Variants in RAB38 observed in about 807,000 individuals in gnomAD.
RAB38 encodes RAB38, member RAS oncogene family.
RAB38 carries 15 observed loss-of-function variants against 18.4 expected under a neutral mutation model. The ratio of observed to expected loss-of-function variants is 0.82; its 90% CI spans 0.55 to 1.26. RAB38 has a LOEUF of 1.26. RAB38 is among the 50% of genes most tolerant of loss of function. RAB38 has a pLI of 0.00. For synonymous variants in RAB38, 101 were observed against 104.4 expected, an observed-to-expected ratio of 0.97 and a Z score of 0.20; for missense variants, 294 against 267.4, an observed-to-expected ratio of 1.10 and a Z score of -0.69.
intron 2 of RAB38, among the ~76,000 whole-genome samples, chr11:88,127,041 G>A (rs1265676960): frequency 2.0e-5 from 3 of 152,146 alleles, no homozygotes; most frequent in African/African-American, 7.2e-5. Context: ...GGGTTCTGAA[G>A]TTTCATAGGA....
the RAB38 span, among the ~76,000 whole-genome samples, chr11:87,900,696 G>GAAGA: frequency 7.1e-6 from 1 of 140,936 alleles, no homozygotes; most frequent in East Asian, 2.2e-4. Context: ...AGGAAGGAAG[G>GAAGA]AAGGAAGGAA....
chr11:88,132,117 A>G (rs1318492041), intron 2 of RAB38, among the ~76,000 whole-genome samples: 1 of 152,244 alleles, frequency 6.6e-6, no homozygotes, highest in Non-Finnish European at 1.5e-5. Flanking sequence ...ATCTGAGTAA[A>G]GGACCCAACC....
chr11:88,036,169 G>T, the RAB38 span, among the ~76,000 whole-genome samples: 1 of 152,020 alleles, frequency 6.6e-6, no homozygotes, highest in Non-Finnish European at 1.5e-5. Flanking sequence ...GGATCATTTT[G>T]ATATGTACCC....
At chr11:88,066,775 C>T in the RAB38 span, among the ~76,000 whole-genome samples, 2 of 152,196 alleles carry the variant, frequency 1.3e-5, no homozygotes, top group African/African-American at 4.8e-5. Context: ...GGTTTTTCCT[C>T]TCAATTTCTC....
the RAB38 span, among the ~76,000 whole-genome samples, chr11:87,957,460 T>G: frequency 0.026 from 3,948 of 151,864 alleles, 179 homozygotes; most frequent in African/African-American, 0.09. Context: ...CAGGGAAAAC[T>G]GTGTGCTTTT....
the RAB38 span, among the ~76,000 whole-genome samples, chr11:87,928,421 TATAAC>T: frequency 6.6e-6 from 1 of 152,176 alleles, no homozygotes; most frequent in East Asian, 1.9e-4. Context: ...ATATACCTCT[TATAAC>T]AAGATGATAT....
At chr11:87,882,432 C>T in the RAB38 span, among the ~76,000 whole-genome samples, 3 of 151,826 alleles carry the variant, frequency 2.0e-5, no homozygotes, top group Non-Finnish European at 4.4e-5. Context: ...ATATAGAGAA[C>T]CTATATTTTC....
the RAB38 span, among the ~76,000 whole-genome samples, chr11:87,951,935 AT>A: frequency 6.6e-6 from 1 of 152,092 alleles, no homozygotes; most frequent in Non-Finnish European, 1.5e-5. Context: ...TCAGTTGGAA[AT>A]GCAGAAATCA....
At chr11:88,161,342 A>T (rs918896492) in intron 1 of RAB38, among the ~76,000 whole-genome samples, 3 of 151,982 alleles carry the variant, frequency 2.0e-5, no homozygotes, top group Non-Finnish European at 4.4e-5. Context: ...AATCCTATAC[A>T]TCCTTCAAAT....
At chr11:88,011,138 G>A in the RAB38 span, among the ~76,000 whole-genome samples, 1 of 152,130 alleles carries the variant, frequency 6.6e-6, no homozygotes, top group South Asian at 2.1e-4. Flanking sequence ...CTGTTTCTCC[G>A]CATATATTTT....
At chr11:87,832,494 GATT>G in the RAB38 span, among the ~76,000 whole-genome samples, 1 of 152,180 alleles carries the variant, frequency 6.6e-6, no homozygotes, top group African/African-American at 2.4e-5. Context: ...AGCTCATTGA[GATT>G]ATTGGCAGAA....
chr11:88,140,880 T>C (rs1192182932), intron 2 of RAB38, among the ~76,000 whole-genome samples: 1 of 152,174 alleles, frequency 6.6e-6, no homozygotes, highest in Non-Finnish European at 1.5e-5. Flanking sequence ...GGTCTCCAAA[T>C]TGGATAATTA....
chr11:88,128,566 T>C (rs929136733), intron 2 of RAB38, among the ~76,000 whole-genome samples: 1 of 152,160 alleles, frequency 6.6e-6, no homozygotes, highest in Non-Finnish European at 1.5e-5. Context: ...CTTTAGAAAA[T>C]AAAATTAATC....
the RAB38 span, among the ~76,000 whole-genome samples, chr11:87,976,394 C>T: frequency 7.4e-6 from 1 of 134,616 alleles, no homozygotes; most frequent in Non-Finnish European, 1.5e-5. Context: ...TTTATATATA[C>T]ACATATTTAT....
the RAB38 span, among the ~76,000 whole-genome samples, chr11:87,823,299 G>A: frequency 1.2e-4 from 18 of 151,816 alleles, no homozygotes; most frequent in East Asian, 1.9e-4. Flanking sequence ...TACCAGGTTC[G>A]TAGATTAAAA....
chr11:87,806,288 G>A, the RAB38 span, among the ~76,000 whole-genome samples: 1 of 152,124 alleles, frequency 6.6e-6, no homozygotes, highest in South Asian at 2.1e-4. Flanking sequence ...CAGTTCTAGA[G>A]GCTAAGCAAT....
the RAB38 span, among the ~76,000 whole-genome samples, chr11:87,958,008 A>G: frequency 6.6e-6 from 1 of 152,126 alleles, no homozygotes; most frequent in East Asian, 1.9e-4. Context: ...GATTCGACTT[A>G]CGATTTTTGA....
chr11:87,949,904 G>A, the RAB38 span, among the ~76,000 whole-genome samples: 8 of 152,160 alleles, frequency 5.3e-5, no homozygotes, highest in Admixed American at 5.2e-4. Context: ...TGTCTATTAG[G>A]TCTGCTTGGT....
the RAB38 span, among the ~76,000 whole-genome samples, chr11:88,089,998 G>A: frequency 6.6e-6 from 1 of 151,840 alleles, no homozygotes; most frequent in Non-Finnish European, 1.5e-5. Context: ...CTCAGAACTG[G>A]GGGACTATAA....
Sources: gnomAD v4.1 joint callset for allele counts (sites outside exome capture counted in the v4.1 genomes callset) on GRCh38, gnomAD v4.1.1 for gene constraint, MANE v1.5 for transcripts, NCBI Gene and HGNC (gene_info 2026-07-23, HGNC 2026-07-21) for gene names.